Variants in ANK3 observed in about 807,000 individuals in gnomAD.
ANK3 encodes ankyrin-3.
Under a neutral mutation model 370.9 loss-of-function variants are expected in ANK3, and 57 were observed. The observed-to-expected ratio is 0.15, with a 90% CI of 0.12 to 0.19. The LOEUF (loss-of-function observed/expected upper bound fraction) is 0.19, where lower values mean the gene tolerates loss of function less well. ANK3 is among the 10% of genes least tolerant of loss of function. ANK3 has a pLI of 1.00. For synonymous variants in ANK3, 1,929 were observed against 1,946.3 expected (o/e 0.99, Z 0.23); for missense variants, 4,439 against 5,302.1 (o/e 0.84, Z 5.06).
At chr10:60,050,349 C>A (rs1021541994) in intron 42 of ANK3, among the ~76,000 whole-genome samples, 1 of 152,108 alleles carries the variant, frequency 6.6e-6, no homozygotes, top group Non-Finnish European at 1.5e-5. Context: ...TTATTTTCTT[C>A]CCTAATGTTT....
intron 32 of ANK3, 189 bp from the exon 33 acceptor site, chr10:60,083,806 A>G (rs543532419): frequency 1.1e-5 from 6 of 527,258 alleles, no homozygotes; most frequent in African/African-American, 3.9e-5. Flanking sequence ...CTGTAATTGG[A>G]ATCCATATCA....
chr10:60,641,580 G>A (rs1196085367), intron 1 of ANK3, among the ~76,000 whole-genome samples: 19 of 151,878 alleles, frequency 1.3e-4, no homozygotes, highest in Admixed American at 2.0e-4. Context: ...CTAGCCATAT[G>A]GAGAAAGCTG....
At chr10:60,123,039 A>T (rs140689010) in intron 25 of ANK3, among the ~76,000 whole-genome samples, 6 of 152,206 alleles carry the variant, frequency 3.9e-5, no homozygotes, top group Non-Finnish European at 8.8e-5. Flanking sequence ...GAGTTGTCAG[A>T]ACCTATTAGC....
intron 25 of ANK3, among the ~76,000 whole-genome samples, chr10:60,124,436 A>G (rs926141809): frequency 6.6e-6 from 1 of 152,152 alleles, no homozygotes; most frequent in Non-Finnish European, 1.5e-5. Flanking sequence ...TGGCCTCCCA[A>G]AGTGCTGGGA....
intron 1 of ANK3, among the ~76,000 whole-genome samples, chr10:60,702,375 T>G (rs1339045823): frequency 6.6e-6 from 1 of 152,162 alleles, no homozygotes; most frequent in East Asian, 1.9e-4. Context: ...GTGAGATATA[T>G]GCAAAAGCAA....
chr10:60,072,667 T>G lies in ANK3; in HGVS notation c.8214A>C (p.Arg2738Ser), dbSNP rs749707940. 1 of 1,614,156 alleles carries G rather than the reference T, an allele frequency of 6.2e-7. No homozygotes were observed. Among genetic ancestry groups the G allele is most frequent in the Non-Finnish European group, 8.5e-7 (1 of 1,180,020 alleles). The change falls in exon 37 of 44, where the codon AGA becomes AGC. Residue 2738 changes from arginine to serine, a missense_variant. By Grantham distance (110) the Arg-to-Ser change is moderately radical. Transcript: ENST00000280772. ...GGATTCTGGACTGGCCATCTGACTT[T>G]CTGTCTTCTTGAGACATGTCCTTAC... ...AKSKDMSQEDRKSDGQSRIPV... is the reference protein window; with the variant it reads ...AKSKDMSQEDSKSDGQSRIPV...
chr10:60,075,497 G>C lies in ANK3; in HGVS notation c.5384C>G (p.Pro1795Arg), dbSNP rs571449073. The C allele has an allele frequency of 6.2e-7, 1 of 1,613,322 alleles. No homozygotes were observed. Among genetic ancestry groups the C allele is most frequent in the Non-Finnish European group, 8.5e-7 (1 of 1,179,992 alleles). The change falls in exon 37 of 44, where the codon CCT (proline) becomes CGT (arginine). Residue 1795 changes from proline to arginine, a missense_variant. By Grantham distance (103) the Pro-to-Arg change is moderately radical (BLOSUM62 -2). This residue lies in a region of ANK3 where 679 missense variants were observed against 791.0 expected (regional missense o/e 0.86). Coordinates refer to ENST00000280772, the MANE Select transcript of ANK3 (RefSeq NM_020987.5). ...APSAFQSLRTPSASALYTSLG... is the reference protein window; with the variant it reads ...APSAFQSLRTRSASALYTSLG... ...GGATGTATAGAGTGCACTTGCGGAA[G>C]GAGTTCTTAGAGACTGAAAAGCTGA...
chr10:60,172,278 G>T, intron 21 of ANK3, 30 bp downstream of exon 21: 2 of 1,572,748 alleles, frequency 1.3e-6, no homozygotes, highest in Non-Finnish European at 1.7e-6. Context: ...CTGGCTCCTA[G>T]GGTAACAAGG....
chr10:60,047,588 C>A (rs1420204068), intron 42 of ANK3, among the ~76,000 whole-genome samples: 1 of 152,068 alleles, frequency 6.6e-6, no homozygotes, highest in Non-Finnish European at 1.5e-5. Flanking sequence ...ATGGAATGAA[C>A]GGATAGAACT....
chr10:60,498,363 AT>A (rs1312770281), intron 2 of ANK3, among the ~76,000 whole-genome samples: 3 of 152,060 alleles, frequency 2.0e-5, no homozygotes, highest in Non-Finnish European at 2.9e-5. Flanking sequence ...AAGTTAGCTT[AT>A]TTTTATCTTT....
At chr10:60,519,622 C>T (rs768526658) in intron 2 of ANK3, among the ~76,000 whole-genome samples, 1 of 152,066 alleles carries the variant, frequency 6.6e-6, no homozygotes, top group African/African-American at 2.4e-5. Context: ...AAGAACAAGC[C>T]TCAGCATTCA....
At chr10:60,107,736 A>G (rs1422157764) in intron 27 of ANK3, among the ~76,000 whole-genome samples, 1 of 152,202 alleles carries the variant, frequency 6.6e-6, no homozygotes, top group Non-Finnish European at 1.5e-5. Context: ...GTACTTTTAA[A>G]AGATCTAATT....
At chr10:60,044,139 G>A (rs1365772580) in intron 42 of ANK3, 23 of 985,492 alleles carry the variant, frequency 2.3e-5, no homozygotes, top group Non-Finnish European at 2.8e-5. Context: ...GTGATCTGTA[G>A]GAAGTAATGG....
At chr10:60,156,573 C>T (rs886553548) in intron 23 of ANK3, among the ~76,000 whole-genome samples, 2 of 152,186 alleles carry the variant, frequency 1.3e-5, no homozygotes, top group Non-Finnish European at 2.9e-5. Flanking sequence ...TCCAGGCAGC[C>T]TGGTGCAGAG....
Position 60,308,725 on chromosome 10 carries a change from C to G in ANK3, c.115-29086G>C, listed in dbSNP as rs72822259. ...GGTCCTCAGCCCCTACCATCCAAAA[C>G]CCAGCGATACACTGTCTAGGCAGGG... On this transcript the variant is annotated intron_variant, in intron 1 of 43. Transcript: ENST00000280772. Among the ~76,000 whole-genome samples, 832 of 152,214 alleles carry G rather than the reference C, an allele frequency of 5.5e-3. 5 individuals are homozygous for G. Among genetic ancestry groups the G allele is most frequent in the South Asian group, 0.013 (62 of 4,812 alleles).
chr10:60,476,942 C>T (rs2075081057), intron 2 of ANK3, among the ~76,000 whole-genome samples: 1 of 152,092 alleles, frequency 6.6e-6, no homozygotes, highest in African/African-American at 2.4e-5. Flanking sequence ...ACATGCAAAA[C>T]TGTTTATGAG....
rs537721909 is a variant in ANK3 at position 60,646,502 on chromosome 10, G to A, written c.58-31278C>T. On this transcript the variant is annotated intron_variant, in intron 1 of 43. Transcript: ENST00000373827. Reference sequence around the variant, plus strand: ...GAGGCAGGAGGACAGCTTGAGGCCCGAAGTTCTAGACTAGCCTAGGCAACA... The same window carrying A: ...GAGGCAGGAGGACAGCTTGAGGCCCAAAGTTCTAGACTAGCCTAGGCAACA... 1.1e-4 allele frequency among the ~76,000 whole-genome samples: 17 copies of A among 152,222 alleles called. No homozygotes were observed. The South Asian group carries it at 2.7e-3, about 24-fold the overall frequency.
chr10:60,700,094 TG>T (rs1430245827), intron 1 of ANK3, among the ~76,000 whole-genome samples: 5 of 152,156 alleles, frequency 3.3e-5, no homozygotes, highest in African/African-American at 1.2e-4. Context: ...AGTCAGCTTC[TG>T]GGGACTTTTT....
intron 1 of ANK3, among the ~76,000 whole-genome samples, chr10:60,330,309 G>T (rs2050918194): frequency 1.3e-5 from 2 of 152,174 alleles, no homozygotes; most frequent in African/African-American, 4.8e-5. Flanking sequence ...AAGAGCTTCT[G>T]CACAGCAAAA....
Sources: gnomAD v4.1 joint callset for allele counts (sites outside exome capture counted in the v4.1 genomes callset) on GRCh38, gnomAD v4.1.1 for gene constraint, gnomAD v4.1.1 regional missense constraint, MANE v1.5 for transcripts, NCBI Gene and HGNC (gene_info 2026-07-23, HGNC 2026-07-21) for gene names.